Variants in PARD3B observed in about 807,000 individuals in gnomAD.
The protein encoded by PARD3B is par-3 family cell polarity regulator beta, also known as partitioning defective 3 homolog B.
In PARD3B, 103 loss-of-function variants were observed where a neutral mutation model predicts 130.2. The observed-to-expected ratio is 0.79, with a 90% CI of 0.67 to 0.93. The LOEUF is 0.93. Ranked by LOEUF, PARD3B falls within the 40% of genes least tolerant of loss-of-function variation. PARD3B has a pLI of 0.00. For synonymous variants in PARD3B, 583 were observed against 553.2 expected (o/e 1.05, Z -0.76); for missense variants, 1,609 against 1,499.2 (o/e 1.07, Z -1.21).
At chr2:205,369,925 C>T (rs2044746742) in intron 18 of PARD3B, among the ~76,000 whole-genome samples, 1 of 152,198 alleles carries the variant, frequency 6.6e-6, no homozygotes. Flanking sequence ...GAGCTCTAGT[C>T]ATTAGCTAGC....
intron 18 of PARD3B, among the ~76,000 whole-genome samples, chr2:205,333,294 G>T (rs1262248307): frequency 2.7e-5 from 4 of 149,296 alleles, no homozygotes; most frequent in African/African-American, 9.9e-5. Flanking sequence ...AGCTAAAAGA[G>T]TAAAAGACAC....
intron 4 of PARD3B, among the ~76,000 whole-genome samples, chr2:205,103,380 A>ATATTT: frequency 6.8e-6 from 1 of 147,392 alleles, no homozygotes. Context: ...TGTAAAATAA[A>ATATTT]TATTTATATA....
At chr2:204,770,650 C>A (rs1014215123) in intron 2 of PARD3B, among the ~76,000 whole-genome samples, 4 of 151,910 alleles carry the variant, frequency 2.6e-5, no homozygotes, top group Non-Finnish European at 4.4e-5. Context: ...ATGCATGATG[C>A]GATATTTTGA....
At chr2:205,003,302 T>C (rs1178141554) in intron 3 of PARD3B, among the ~76,000 whole-genome samples, 1 of 152,162 alleles carries the variant, frequency 6.6e-6, no homozygotes, top group African/African-American at 2.4e-5. Context: ...TTTCTTCTAC[T>C]TGCGATCTTA....
intron 16 of PARD3B, among the ~76,000 whole-genome samples, chr2:205,279,070 CAAAA>C (rs57717513): frequency 2.6e-5 from 1 of 38,852 alleles, no homozygotes; most frequent in Non-Finnish European, 4.4e-5. Context: ...GAATCTGTCT[CAAAA>C]AAAAAAAAAA....
At chr2:205,052,515 A>AG (rs1279211484) in intron 4 of PARD3B, among the ~76,000 whole-genome samples, 2 of 147,592 alleles carry the variant, frequency 1.4e-5, no homozygotes, top group African/African-American at 2.5e-5. Context: ...GATAGATTTC[A>AG]GGGGGGTCTG....
At chr2:205,598,533 C>A (rs1399635033) in intron 22 of PARD3B, among the ~76,000 whole-genome samples, 9 of 152,114 alleles carry the variant, frequency 5.9e-5, no homozygotes, top group African/African-American at 2.2e-4. Flanking sequence ...TTCAACACCC[C>A]ACTCACAGCA....
At chr2:205,541,170 G>C (rs538376657) in intron 21 of PARD3B, among the ~76,000 whole-genome samples, 1 of 152,146 alleles carries the variant, frequency 6.6e-6, no homozygotes, top group East Asian at 1.9e-4. Flanking sequence ...TTTAGGACAG[G>C]AATTACCTGT....
intron 1 of PARD3B, among the ~76,000 whole-genome samples, chr2:204,583,595 T>A (rs2032682596): frequency 8.3e-6 from 1 of 119,818 alleles, no homozygotes; most frequent in Non-Finnish European, 1.7e-5. Context: ...CTGCACAATG[T>A]GCACATGTAC....
intron 20 of PARD3B, among the ~76,000 whole-genome samples, chr2:205,485,087 TATTA>T (rs1010081255): frequency 3.9e-5 from 6 of 152,218 alleles, no homozygotes; most frequent in Non-Finnish European, 7.3e-5. Context: ...AATGGCTATT[TATTA>T]ATTAAGATTC....
At position 205,301,625 on chromosome 2, in the gene PARD3B, A is replaced by C. The variant is rs747411305; in HGVS notation, c.2554A>C (p.Lys852Gln). ...AAAGGAAAAGGGCAAATTGAAAGTC[A>C]AGGAGAAAAAGCGCAAAGAGGAGAA... ...KKKEKGKLKVKEKKRKEENED... is the reference protein window; with the variant it reads ...KKKEKGKLKVQEKKRKEENED... Residue 852 changes from lysine to glutamine, a missense_variant, in exon 18 of 23, where the codon AAG becomes CAG. Transcript: ENST00000406610. This position sits in a 1 kb window ranked among gnomAD's most constrained non-coding sequence, Gnocchi z 5.2. 10 of 1,613,526 alleles carry C rather than the reference A, an allele frequency of 6.2e-6. No homozygotes were observed. The highest frequency in any genetic ancestry group is 8.5e-6 in the Non-Finnish European group (10 of 1,179,718).
At chr2:204,801,546 A>G (rs1259860731) in intron 2 of PARD3B, among the ~76,000 whole-genome samples, 1 of 152,174 alleles carries the variant, frequency 6.6e-6, no homozygotes, top group African/African-American at 2.4e-5. Flanking sequence ...ATTCTTGCAC[A>G]TTGATTTTTG....
intron 22 of PARD3B, among the ~76,000 whole-genome samples, chr2:205,599,672 T>G (rs1241085178): frequency 6.6e-6 from 1 of 152,220 alleles, no homozygotes; most frequent in Non-Finnish European, 1.5e-5. Flanking sequence ...AGGCAGATTT[T>G]AGCCCTGGAT....
chr2:205,284,793 T>C (rs907781120), intron 16 of PARD3B, among the ~76,000 whole-genome samples: 5 of 152,142 alleles, frequency 3.3e-5, no homozygotes, highest in Non-Finnish European at 7.3e-5. Flanking sequence ...AGGCTTGTAA[T>C]TGGTCTTTTA....
intron 2 of PARD3B, among the ~76,000 whole-genome samples, chr2:204,917,145 T>G (rs73053156): frequency 0.056 from 8,454 of 152,170 alleles, 607 homozygotes; most frequent in African/African-American, 0.16. Flanking sequence ...TCAGGGAAGA[T>G]TCTAAGAAGA....
intron 12 of PARD3B, among the ~76,000 whole-genome samples, chr2:205,175,987 A>T (rs1277264902): frequency 1.3e-5 from 2 of 152,208 alleles, no homozygotes; most frequent in African/African-American, 4.8e-5. Context: ...ACAGAGACAC[A>T]CTGGTGGTAT....
chr2:204,699,116 C>T (rs1035480048), intron 2 of PARD3B, among the ~76,000 whole-genome samples: 1 of 151,930 alleles, frequency 6.6e-6, no homozygotes, highest in African/African-American at 2.4e-5. Flanking sequence ...AATAATGAAG[C>T]CCTTGACCTG....
At chr2:205,447,277 G>A (rs2047937305) in intron 20 of PARD3B, among the ~76,000 whole-genome samples, 1 of 148,608 alleles carries the variant, frequency 6.7e-6, no homozygotes, top group Admixed American at 6.6e-5. Flanking sequence ...CTTCAGGGTG[G>A]TAGGGACCTA....
chr2:205,293,158 G>C (rs2041670432), intron 16 of PARD3B, among the ~76,000 whole-genome samples: 1 of 151,706 alleles, frequency 6.6e-6, no homozygotes, highest in South Asian at 2.1e-4. Flanking sequence ...CAGGTGCCCA[G>C]GCTATACAAT....
Sources: allele counts gnomAD v4.1 joint callset (sites outside exome capture counted in the v4.1 genomes callset), GRCh38; gene constraint gnomAD v4.1.1; non-coding constraint Gnocchi (gnomAD v3.1); transcripts MANE v1.5; gene names NCBI Gene and HGNC (gene_info 2026-07-23, HGNC 2026-07-21).